CTIF: variants seen among roughly 807,000 people sequenced by gnomAD.
CTIF encodes the protein cap binding complex dependent translation initiation factor.
A neutral mutation model predicts 66.0 loss-of-function variants in CTIF; 21 were observed. That is an observed-to-expected ratio of 0.32 (90% CI 0.23 to 0.46). The LOEUF (loss-of-function observed/expected upper bound fraction) is 0.46, where lower values mean the gene tolerates loss of function less well. Ranked by LOEUF, CTIF falls within the 20% of genes least tolerant of loss-of-function variation. CTIF has a pLI of 1.00. For synonymous variants in CTIF, 345 were observed against 326.4 expected (o/e 1.06, Z -0.62); for missense variants, 739 against 812.7 (o/e 0.91, Z 1.10).
intron 2 of CTIF, among the ~76,000 whole-genome samples, chr18:48,623,765 ACACT>A (rs1568081936): frequency 6.6e-6 from 1 of 152,128 alleles, no homozygotes; most frequent in Non-Finnish European, 1.5e-5. Context: ...GTGACAGTTG[ACACT>A]CAGGGAGAAA....
rs547948835 is a variant in CTIF, at chr18:48,761,814, G to A, written c.1371+125G>A. On this transcript the variant is annotated intron_variant, in intron 9 of 11. Transcript: ENST00000256413. The surrounding 1 kb of genome is among the most constrained non-coding windows in gnomAD (Gnocchi z 4.2). ...CTTTTCCCAAGTTCCGCCCTTGCCCGATTAATTATAGAAAACACAAAGGCA... is the reference window on the plus strand; with the variant it reads ...CTTTTCCCAAGTTCCGCCCTTGCCCAATTAATTATAGAAAACACAAAGGCA... 9.0e-5 allele frequency: 87 copies of A among 961,372 alleles called. No homozygotes were observed. The East Asian group carries it at 1.4e-3, about 16-fold the overall frequency. The allele number at this position is 961,372 out of a possible 1,614,324, so 59.6% of individuals were successfully genotyped here. A position where few individuals can be genotyped will look rare whatever the true frequency, so the allele number is the denominator to read the frequency against.
intron 3 of CTIF, 102 bp downstream of exon 3, chr18:48,636,787 G>A: frequency 1.2e-6 from 1 of 806,394 alleles, no homozygotes; most frequent in South Asian, 3.2e-5. Flanking sequence ...GTGACATGGA[G>A]AGTGCAGAGA....
intron 8 of CTIF, chr18:48,760,479 G>A (rs1418998989): frequency 1.3e-5 from 2 of 151,676 alleles, no homozygotes; most frequent in African/African-American, 4.9e-5. Flanking sequence ...ACAGCTAGAG[G>A]CAGAGAGTGG....
Position 48,828,557 on chromosome 18 carries a change from T to C in CTIF, c.1527+11181T>C, listed in dbSNP as rs547362268. ...ATTAGGGAGAGAGAATGATTTCGCC[T>C]ATCTCCCCTTGCTTGAAAACAATTT... On this transcript the variant is annotated intron_variant, in intron 10 of 11. Transcript: ENST00000256413. 1.1e-4 allele frequency among the ~76,000 whole-genome samples: 17 copies of C among 152,340 alleles called. No homozygotes were observed. The East Asian group carries it at 2.9e-3, about 26-fold the overall frequency.
chr18:48,725,001 CAAGAA>C (rs1003226355), intron 7 of CTIF, among the ~76,000 whole-genome samples: 19 of 152,212 alleles, frequency 1.2e-4, no homozygotes, highest in African/African-American at 3.9e-4. Context: ...ACATTGAACT[CAAGAA>C]AAGACATGTG....
At chr18:48,636,994 T>TA (rs926829855) in intron 3 of CTIF, among the ~76,000 whole-genome samples, 66 of 152,268 alleles carry the variant, frequency 4.3e-4, no homozygotes, top group African/African-American at 1.5e-3. Context: ...GATCCATCCT[T>TA]ACAGTGGAAT....
chr18:48,617,674 C>T (rs373132335), intron 1 of CTIF, among the ~76,000 whole-genome samples: 3 of 152,334 alleles, frequency 2.0e-5, no homozygotes, highest in East Asian at 3.9e-4. Flanking sequence ...TCCCATGCCC[C>T]TGCCTGTGGC....
intron 1 of CTIF, among the ~76,000 whole-genome samples, chr18:48,609,588 C>T (rs907935668): frequency 5.9e-5 from 9 of 152,112 alleles, no homozygotes; most frequent in Non-Finnish European, 2.9e-5. Context: ...CCCAACAGCA[C>T]GCAGAGAAAA....
intron 9 of CTIF, among the ~76,000 whole-genome samples, chr18:48,771,756 C>T (rs967032312): frequency 2.2e-4 from 33 of 152,290 alleles, no homozygotes; most frequent in Non-Finnish European, 3.4e-4. Context: ...CCTCCTTCCC[C>T]GGAGCCAGGC....
intron 3 of CTIF, among the ~76,000 whole-genome samples, chr18:48,641,189 A>G (rs1205408529): frequency 1.3e-5 from 2 of 152,210 alleles, no homozygotes; most frequent in Non-Finnish European, 2.9e-5. Flanking sequence ...AAGCTTTTCA[A>G]GGTGTTGGCA....
intron 3 of CTIF, among the ~76,000 whole-genome samples, chr18:48,641,021 A>G (rs1236639270): frequency 6.6e-6 from 1 of 152,172 alleles, no homozygotes; most frequent in Admixed American, 6.5e-5. Context: ...ATTCAGCTGT[A>G]TTTGGGATTG....
chr18:48,761,586 C>A lies in CTIF; in HGVS notation c.1268C>A (p.Ser423Tyr), dbSNP rs371803983. ...CGCACAATCTACCAGAAGGCTGTGT[C>A]CGACCGCAGCTTCGCCTTCACCGCT... ...IVRTIYQKAV[S>Y]DRSFAFTAAK... The change falls in exon 9 of 12, where the codon TCC (serine) becomes TAC (tyrosine). Residue 423 changes from serine to tyrosine, a missense_variant. Ser to Tyr is a moderately radical substitution (Grantham distance 144, BLOSUM62 -2). Transcript: ENST00000256413. This position sits in a 1 kb window ranked among gnomAD's most constrained non-coding sequence, Gnocchi z 4.2. 4.3e-6 allele frequency: 7 copies of A among 1,614,104 alleles called. No homozygotes were observed. The highest frequency in any genetic ancestry group is 5.1e-6 in the Non-Finnish European group (6 of 1,180,052).
At position 48,664,487 on chromosome 18, in the gene CTIF, A is replaced by G. The variant is rs867947259; in HGVS notation, c.367A>G (p.Thr123Ala). The stretch of plus-strand genomic sequence containing the variant: ...CCTGCAGCCGGAAAAGCTGGACTTC[A>G]CCCAGTTCCACCGCAAAGTCCGACA... Reference protein sequence around the residue: ...WDLQPEKLDFTQFHRKVRHTP... With the variant: ...WDLQPEKLDFAQFHRKVRHTP... The change falls in exon 5 of 12, where the codon ACC (threonine) becomes GCC (alanine). Residue 123 changes from threonine to alanine, a missense_variant. Transcript: ENST00000256413. 1 of 1,613,444 alleles carries G rather than the reference A, an allele frequency of 6.2e-7. No homozygotes were observed. The highest frequency in any genetic ancestry group is 1.3e-5 in the African/African-American group (1 of 74,994).
At chr18:48,724,466 C>CA (rs2039673340) in intron 7 of CTIF, among the ~76,000 whole-genome samples, 1 of 152,208 alleles carries the variant, frequency 6.6e-6, no homozygotes, top group Non-Finnish European at 1.5e-5. Flanking sequence ...CTGCTCCCAA[C>CA]ACTGACCAGC....
chr18:48,619,111 G>A lies in CTIF; in HGVS notation c.-28-427G>A, dbSNP rs376407709. Among the ~76,000 whole-genome samples, 8 of 152,250 alleles carry A rather than the reference G, an allele frequency of 5.3e-5. No individual in the cohort carries two copies. The East Asian group carries it at 5.8e-4, about 11-fold the overall frequency. On this transcript the variant is annotated intron_variant, in intron 1 of 11. Transcript: ENST00000256413. ...TGAGCCCCTCAGAGGTTTGTGTCTC[G>A]GGCCCCATTGTGCACCCTCAATCTT...
At chr18:48,774,562 A>C (rs1414304409) in intron 9 of CTIF, among the ~76,000 whole-genome samples, 9 of 152,126 alleles carry the variant, frequency 5.9e-5, no homozygotes, top group African/African-American at 2.2e-4. Flanking sequence ...TCCCAGAGTG[A>C]GAGAAGCTTC....
chr18:48,794,669 A>T (rs754842516), intron 9 of CTIF, among the ~76,000 whole-genome samples: 11 of 152,172 alleles, frequency 7.2e-5, no homozygotes, highest in Non-Finnish European at 1.6e-4. Flanking sequence ...ACCACCCAGG[A>T]TGATTGAAGG....
At chr18:48,759,249 A>G (rs944844093) in intron 8 of CTIF, among the ~76,000 whole-genome samples, 1 of 152,174 alleles carries the variant, frequency 6.6e-6, no homozygotes, top group Non-Finnish European at 1.5e-5. Flanking sequence ...AGAAAGGCCA[A>G]CTTGCCCACA....
intron 10 of CTIF, among the ~76,000 whole-genome samples, chr18:48,828,670 C>T (rs991785238): frequency 6.6e-6 from 1 of 152,244 alleles, no homozygotes; most frequent in African/African-American, 2.4e-5. Flanking sequence ...CTTTTCTGCT[C>T]AGGACCAACA....
Sources: gnomAD v4.1 joint callset for allele counts (sites outside exome capture counted in the v4.1 genomes callset) on GRCh38, gnomAD v4.1.1 for gene constraint, Gnocchi (gnomAD v3.1) non-coding constraint, MANE v1.5 for transcripts, NCBI Gene and HGNC (gene_info 2026-07-23, HGNC 2026-07-21) for gene names.